The following ZNF428 variants were observed in gnomAD, a reference collection of about 807,000 sequenced individuals.
ZNF428 encodes zinc finger protein 428, also known as enzyme-like protein PIT13.
A neutral mutation model predicts 15.6 loss-of-function variants in ZNF428; 5 were observed. The ratio of observed to expected loss-of-function variants is 0.32; its 90% CI spans 0.17 to 0.67. The LOEUF is 0.67. ZNF428 is among the 30% of genes least tolerant of loss of function. The pLI is 0.73. For missense variants in ZNF428, 237 were observed against 256.0 expected (o/e 0.93, Z 0.51); for synonymous variants, 97 against 102.2 (o/e 0.95, Z 0.31).
At chr19:43,608,828 T>G (rs1447190065) in intron 2 of ZNF428, among the ~76,000 whole-genome samples, 2 of 149,686 alleles carry the variant, frequency 1.3e-5, no homozygotes, top group African/African-American at 5.0e-5. Context: ...CTCGGGAGGC[T>G]GAGGCAGGAG....
chr19:43,607,304 C>A lies in ZNF428; in HGVS notation c.*313G>T, dbSNP rs1461338960. ...AAATACATGGAAACCTCATCGAATA[C>A]AAGCACGCAGTAAATGTTATCTTTC... On this transcript the variant is annotated 3_prime_UTR_variant, in exon 3 of 3. Coordinates refer to ENST00000300811, the MANE Select transcript of ZNF428 (RefSeq NM_182498.4). This position sits in a 1 kb window ranked among gnomAD's most constrained non-coding sequence, Gnocchi z 5.1. The A allele has an allele frequency of 1.5e-5, 5 of 333,212 alleles. No individual in the cohort carries two copies. The highest frequency in any genetic ancestry group is 2.2e-5 in the Non-Finnish European group (4 of 184,038). 20.6% of individuals were successfully genotyped at this position (333,212 alleles called of 1,614,324 possible).
chr19:43,618,694 G>A (rs1210146749), intron 1 of ZNF428, among the ~76,000 whole-genome samples: 1 of 148,984 alleles, frequency 6.7e-6, no homozygotes, highest in East Asian at 2.0e-4. Flanking sequence ...ACTGCAACTA[G>A]CCCAAAGAAT....
In ZNF428 at chr19:43,612,853, C is replaced by T. The variant is rs1568534798; in HGVS notation, c.76+1376G>A. Reference sequence around the variant, plus strand: ...CATCCTCATCAAGGAAGGTGAAGAGCTACGGTCAGATGATCATCCCCAGTA... The same window carrying T: ...CATCCTCATCAAGGAAGGTGAAGAGTTACGGTCAGATGATCATCCCCAGTA... On this transcript the variant is annotated intron_variant, in intron 2 of 2. Coordinates refer to ENST00000300811, the MANE Select transcript of ZNF428 (RefSeq NM_182498.4). This position sits in a 1 kb window ranked among gnomAD's most constrained non-coding sequence, Gnocchi z 4.2. 1.3e-6 allele frequency: 2 copies of T among 1,551,700 alleles called. No homozygotes were observed. The highest frequency in any genetic ancestry group is 2.4e-5 in the East Asian group (1 of 40,928).
Position 43,613,000 on chromosome 19 carries a change from C to CAGT in ZNF428, c.76+1226_76+1228dup. On this transcript the variant is annotated intron_variant, in intron 2 of 2. Coordinates refer to ENST00000300811, the MANE Select transcript of ZNF428 (RefSeq NM_182498.4). The surrounding 1 kb of genome is among the most constrained non-coding windows in gnomAD (Gnocchi z 4.2). Reference sequence around the variant, plus strand: ...GAAGCCCCAGAAGGTCAAGAAGTGGCAGTCAGAAGAGGACGCACAGCAGAG... The same window carrying CAGT: ...GAAGCCCCAGAAGGTCAAGAAGTGGCAGTAGTCAGAAGAGGACGCACAGCAGAG... 2.6e-6 allele frequency: 4 copies of CAGT among 1,551,678 alleles called. No homozygotes were observed. The highest frequency in any genetic ancestry group is 3.5e-6 in the Non-Finnish European group (4 of 1,146,974).
Position 43,612,501 on chromosome 19 carries a change from G to A in ZNF428, c.76+1728C>T, listed in dbSNP as rs1322674847. The A allele has an allele frequency of 1.7e-5, 26 of 1,551,318 alleles. No individual in the cohort carries two copies. Among genetic ancestry groups the A allele is most frequent in the Non-Finnish European group, 2.3e-5 (26 of 1,146,978 alleles). ...AGCCGGGGTAGGACACCTGGCAGAA[G>A]GGGAAGCCGCAGCTCCAAGAGGTCA... On this transcript the variant is annotated intron_variant, in intron 2 of 2. Transcript: ENST00000300811. This position sits in a 1 kb window ranked among gnomAD's most constrained non-coding sequence, Gnocchi z 4.2.
At chr19:43,617,537 C>A (rs1015173612) in intron 1 of ZNF428, among the ~76,000 whole-genome samples, 5 of 152,124 alleles carry the variant, frequency 3.3e-5, no homozygotes, top group African/African-American at 1.2e-4. Flanking sequence ...AAAGAAAGCA[C>A]CTAAATCTTG....
At chr19:43,611,145 T>C (rs1973291495) in intron 2 of ZNF428, among the ~76,000 whole-genome samples, 1 of 152,110 alleles carries the variant, frequency 6.6e-6, no homozygotes, top group South Asian at 2.1e-4. Flanking sequence ...AGAAGCTGAC[T>C]GCAGTCAGCT....
chr19:43,607,395 AAACACACACACGGGCGGGAATACACACAC>A lies in ZNF428; in HGVS notation c.*193_*221del. The stretch of plus-strand genomic sequence containing the variant: ...AATACACACACACACACACACACAC[AAACACACACACGGGCGGGAATACACACAC>A]ACACACACACACTCTGAACCAACAC... On this transcript the variant is annotated 3_prime_UTR_variant, in exon 3 of 3. Transcript: ENST00000300811. The surrounding 1 kb of genome is among the most constrained non-coding windows in gnomAD (Gnocchi z 5.1). 4 of 546,748 alleles carry A rather than the reference AAACACACACACGGGCGGGAATACACACAC, an allele frequency of 7.3e-6. No homozygotes were observed. Among genetic ancestry groups the A allele is most frequent in the East Asian group, 3.2e-5 (1 of 30,796 alleles). 33.9% of individuals were successfully genotyped at this position (546,748 alleles called of 1,614,324 possible).
Position 43,612,597 on chromosome 19 carries a change from G to T in ZNF428, c.76+1632C>A, listed in dbSNP as rs1335510675. 5 of 1,551,440 alleles carry T rather than the reference G, an allele frequency of 3.2e-6. No homozygotes were observed. The highest frequency in any genetic ancestry group is 4.4e-6 in the Non-Finnish European group (5 of 1,146,980). On this transcript the variant is annotated intron_variant, in intron 2 of 2. Coordinates refer to ENST00000300811, the MANE Select transcript of ZNF428 (RefSeq NM_182498.4). This position sits in a 1 kb window ranked among gnomAD's most constrained non-coding sequence, Gnocchi z 4.2. ...AGACCAGGCATGGCCAGCAGGGTGAGAACTCCCACTTCACAGCAAAAAGGG... is the reference window on the plus strand; with the variant it reads ...AGACCAGGCATGGCCAGCAGGGTGATAACTCCCACTTCACAGCAAAAAGGG...
Position 43,612,754 on chromosome 19 carries a change from TG to T in ZNF428, c.76+1474del. On this transcript the variant is annotated intron_variant, in intron 2 of 2. Coordinates refer to ENST00000300811, the MANE Select transcript of ZNF428 (RefSeq NM_182498.4). This position sits in a 1 kb window ranked among gnomAD's most constrained non-coding sequence, Gnocchi z 4.2. ...GTATAGGGAGGAGTTCCGAGCTGGC[TG>T]TAACTCCCAGTACAGCCAAGTGTCA... The T allele has an allele frequency of 6.4e-7, 1 of 1,551,642 alleles. No individual in the cohort carries two copies. Among genetic ancestry groups the T allele is most frequent in the Non-Finnish European group, 8.7e-7 (1 of 1,146,980 alleles).
intron 2 of ZNF428, among the ~76,000 whole-genome samples, chr19:43,610,328 T>C (rs978340956): frequency 2.7e-4 from 41 of 152,042 alleles, no homozygotes; most frequent in African/African-American, 9.6e-4. Context: ...GCCTCTCAAG[T>C]AACTGGGATT....
At chr19:43,608,974 G>A (rs1973268041) in intron 2 of ZNF428, among the ~76,000 whole-genome samples, 2 of 151,538 alleles carry the variant, frequency 1.3e-5, no homozygotes, top group Admixed American at 6.6e-5. Flanking sequence ...TGATTCTTTC[G>A]ATTGATTGCA....
intron 1 of ZNF428, among the ~76,000 whole-genome samples, chr19:43,618,724 G>A (rs1334709235): frequency 1.3e-5 from 2 of 151,988 alleles, no homozygotes; most frequent in Non-Finnish European, 2.9e-5. Context: ...TATGTTCCAT[G>A]TGATATTTGG....
intron 2 of ZNF428, among the ~76,000 whole-genome samples, chr19:43,610,998 C>G (rs1973289845): frequency 6.6e-6 from 1 of 152,176 alleles, no homozygotes; most frequent in South Asian, 2.1e-4. Context: ...CTCTATCCAC[C>G]TGGTGACCCC....
chr19:43,607,708 CCCTCCTCCT>C lies in ZNF428; in HGVS notation c.467_475del (p.Glu156_Glu158del). ...CTCACATTCCGTACAGTGGTAGGTT[CCCTCCTCCT>C]CCTCTTCCTCCTCCTCCTCCCGCCC... On this transcript the variant is annotated inframe_deletion, in exon 3 of 3. Transcript: ENST00000300811. This position sits in a 1 kb window ranked among gnomAD's most constrained non-coding sequence, Gnocchi z 5.1. 2 of 1,613,914 alleles carry C rather than the reference CCCTCCTCCT, an allele frequency of 1.2e-6. No individual in the cohort carries two copies. Among genetic ancestry groups the C allele is most frequent in the Non-Finnish European group, 1.7e-6 (2 of 1,179,896 alleles).
At chr19:43,616,570 G>C (rs1045466288) in intron 1 of ZNF428, among the ~76,000 whole-genome samples, 5 of 152,194 alleles carry the variant, frequency 3.3e-5, no homozygotes, top group African/African-American at 7.2e-5. Flanking sequence ...TTGGAAGCCA[G>C]ACCTTTCATA....
intron 2 of ZNF428, chr19:43,613,875 G>A: frequency 1.3e-6 from 2 of 1,551,670 alleles, no homozygotes; most frequent in Non-Finnish European, 1.7e-6. Flanking sequence ...AGACAATCTA[G>A]AAGCTCCAGC....
At chr19:43,613,563 A>G in intron 2 of ZNF428, 1 of 1,551,652 alleles carries the variant, frequency 6.4e-7, no homozygotes, top group Admixed American at 2.0e-5. Flanking sequence ...AGCCCCAGCA[A>G]GGAAAGAGAT....
rs1489257085 is a variant in ZNF428, at chr19:43,612,674, G to A, written c.76+1555C>T. On this transcript the variant is annotated intron_variant, in intron 2 of 2. Coordinates refer to ENST00000300811, the MANE Select transcript of ZNF428 (RefSeq NM_182498.4). This position sits in a 1 kb window ranked among gnomAD's most constrained non-coding sequence, Gnocchi z 4.2. ...TAGAACCAGCAACAGGGAAAGGAGT[G>A]ACAGCCAGCCTAGAAATCTGAGCAA... 2 of 1,551,320 alleles carry A rather than the reference G, an allele frequency of 1.3e-6. No individual in the cohort carries two copies. The highest frequency in any genetic ancestry group is 1.4e-5 in the African/African-American group (1 of 73,018).
Sources: gnomAD v4.1 joint callset for allele counts (sites outside exome capture counted in the v4.1 genomes callset) on GRCh38, gnomAD v4.1.1 for gene constraint, Gnocchi (gnomAD v3.1) non-coding constraint, MANE v1.5 for transcripts, NCBI Gene and HGNC (gene_info 2026-07-23, HGNC 2026-07-21) for gene names.